Variants in BTD observed in about 807,000 individuals in gnomAD.
BTD encodes biotinidase, also known as biocytinase.
In BTD, 13 loss-of-function variants were observed where a neutral mutation model predicts 17.7. The ratio of observed to expected loss-of-function variants is 0.74; its 90% CI spans 0.48 to 1.17. The LOEUF (loss-of-function observed/expected upper bound fraction) is 1.17, where lower values mean the gene tolerates loss of function less well. Among genes scored for constraint, BTD ranks in the 50% most tolerant of loss-of-function variants. The pLI is 0.00. For missense variants in BTD, 674 were observed against 650.4 expected, an observed-to-expected ratio of 1.04 and a Z score of -0.39; for synonymous variants, 240 against 245.2, an observed-to-expected ratio of 0.98 and a Z score of 0.20.
rs985158642 is a variant in BTD, at chr3:15,635,829, A to G, written c.249+141A>G. ...GTAGTTAACCTGAGTTGAGTTAGTC[A>G]GTTGAATTAGGAGCCTTACCCCTCA... On this transcript the variant is annotated intron_variant, in intron 2 of 3. Coordinates refer to ENST00000643237, the MANE Select transcript of BTD (RefSeq NM_001370658.1). This position sits in a 1 kb window ranked among gnomAD's most constrained non-coding sequence, Gnocchi z 4.1. 6 of 1,217,390 alleles carry G rather than the reference A, an allele frequency of 4.9e-6. No homozygotes were observed. The highest frequency in any genetic ancestry group is 4.5e-5 in the African/African-American group (3 of 66,952). 75.4% of individuals were successfully genotyped at this position (1,217,390 alleles called of 1,614,324 possible).
intron 3 of BTD, among the ~76,000 whole-genome samples, chr3:15,671,323 G>T (rs889763460): frequency 6.6e-6 from 1 of 152,128 alleles, no homozygotes; most frequent in African/African-American, 2.4e-5. Context: ...TCTTGAGGAC[G>T]GAGCGGGAGA....
At chr3:15,640,029 A>G (rs2065455160) in intron 2 of BTD, among the ~76,000 whole-genome samples, 1 of 152,102 alleles carries the variant, frequency 6.6e-6, no homozygotes, top group Non-Finnish European at 1.5e-5. Context: ...ACTTGAACCC[A>G]GGAGGCGGAG....
chr3:15,605,664 A>G (rs1424588159), intron 1 of BTD, among the ~76,000 whole-genome samples: 1 of 152,218 alleles, frequency 6.6e-6, no homozygotes, highest in Non-Finnish European at 1.5e-5. Context: ...TGACAGTTAT[A>G]TATATATATA....
intron 1 of BTD, among the ~76,000 whole-genome samples, chr3:15,631,106 A>G (rs1032001526): frequency 6.6e-6 from 1 of 152,250 alleles, no homozygotes; most frequent in African/African-American, 2.4e-5. Context: ...GAAATTCATG[A>G]GAATAATTTA....
At chr3:15,666,455 G>C (rs2065994198) in intron 3 of BTD, among the ~76,000 whole-genome samples, 1 of 152,178 alleles carries the variant, frequency 6.6e-6, no homozygotes, top group East Asian at 1.9e-4. Flanking sequence ...CTACCACGTA[G>C]AACAGTTGTG....
chr3:15,639,592 A>G (rs1390180275), intron 2 of BTD, among the ~76,000 whole-genome samples: 1 of 152,224 alleles, frequency 6.6e-6, no homozygotes, highest in African/African-American at 2.4e-5. Flanking sequence ...ACGGTGGTAC[A>G]TTCTCCAGCT....
intron 1 of BTD, chr3:15,631,530 G>C (rs1385143032): frequency 1.2e-5 from 18 of 1,469,972 alleles, no homozygotes; most frequent in Non-Finnish European, 1.7e-5. Context: ...AAAATATCTA[G>C]TGATTGACAT....
chr3:15,706,463 C>T lies in BTD; in HGVS notation c.400-3597C>T, dbSNP rs563499272. Reference sequence around the variant, plus strand: ...CATAGTATTCCATGATGTATATGTGCCACATTTTCTTAATCCAGTCTATCA... The same window carrying T: ...CATAGTATTCCATGATGTATATGTGTCACATTTTCTTAATCCAGTCTATCA... On this transcript the variant is annotated intron_variant, in intron 3 of 3. Transcript: ENST00000672141. Among the ~76,000 whole-genome samples the T allele has an allele frequency of 1.3e-3, 191 of 152,268 alleles. 1 individual carries two copies. The highest frequency in any genetic ancestry group is 4.3e-3 in the African/African-American group (180 of 41,534).
At chr3:15,630,877 C>T (rs929520229) in intron 1 of BTD, among the ~76,000 whole-genome samples, 5 of 152,106 alleles carry the variant, frequency 3.3e-5, no homozygotes, top group African/African-American at 1.2e-4. Flanking sequence ...GCTGCCCACG[C>T]GAGAACCATT....
chr3:15,675,458 C>T (rs546670564), intron 3 of BTD, among the ~76,000 whole-genome samples: 1 of 152,140 alleles, frequency 6.6e-6, no homozygotes, highest in South Asian at 2.1e-4. Context: ...AGGAATAATA[C>T]AGGAAGAGAG....
rs149834028 is a variant in BTD, at chr3:15,603,378, C to T, written c.-17+1484C>T. 7.4e-3 allele frequency among the ~76,000 whole-genome samples: 1,125 copies of T among 152,346 alleles called. 12 individuals carry two copies. The highest frequency in any genetic ancestry group is 0.026 in the African/African-American group (1,072 of 41,578). On this transcript the variant is annotated intron_variant, in intron 1 of 3. Coordinates refer to ENST00000643237, the MANE Select transcript of BTD (RefSeq NM_001370658.1). ...TGTAAAATCAAAAGCAAGCTAGTGGCTGGGCGCAGTGGCTCACACCTGTAA... is the reference window on the plus strand; with the variant it reads ...TGTAAAATCAAAAGCAAGCTAGTGGTTGGGCGCAGTGGCTCACACCTGTAA...
chr3:15,619,708 C>A (rs1468416268), intron 1 of BTD, among the ~76,000 whole-genome samples: 2 of 152,172 alleles, frequency 1.3e-5, no homozygotes, highest in Non-Finnish European at 2.9e-5. Context: ...AGTCTGAATT[C>A]TCTAGGGAGA....
At chr3:15,641,780 G>A in intron 2 of BTD, 128 bp from the exon 3 acceptor site, 1 of 732,618 alleles carries the variant, frequency 1.4e-6, no homozygotes, top group South Asian at 1.5e-5. Flanking sequence ...CACCATCTCT[G>A]TGCCTCTGGT....
At chr3:15,675,157 C>T (rs1361311403) in intron 3 of BTD, among the ~76,000 whole-genome samples, 1 of 152,094 alleles carries the variant, frequency 6.6e-6, no homozygotes. Flanking sequence ...GTAATCCCAG[C>T]TACCTGGGCA....
chr3:15,616,343 G>A (rs905229333), intron 1 of BTD, among the ~76,000 whole-genome samples: 4 of 152,206 alleles, frequency 2.6e-5, no homozygotes, highest in South Asian at 2.1e-4. Flanking sequence ...GGCCGGGCGC[G>A]GTGGCTCACA....
intron 3 of BTD, among the ~76,000 whole-genome samples, chr3:15,680,151 T>C (rs2067388376): frequency 6.6e-6 from 1 of 152,148 alleles, no homozygotes; most frequent in Admixed American, 6.6e-5. Context: ...ATTCCGCAAC[T>C]TGCCTTTTAC....
In BTD at chr3:15,663,241, G is replaced by A. The variant is rs541933517; in HGVS notation, c.399+21184G>A. On this transcript the variant is annotated intron_variant, in intron 3 of 3. Transcript: ENST00000672141. The stretch of plus-strand genomic sequence containing the variant: ...ACTCCTCACCTCAGGTGATCCGCCC[G>A]CCTCGGCTTCCCAAAGTGCTGGGAT... 2.2e-3 allele frequency among the ~76,000 whole-genome samples: 340 copies of A among 152,290 alleles called. 2 individuals carry two copies. The highest frequency in any genetic ancestry group is 6.8e-3 in the Middle Eastern group (2 of 294).
chr3:15,687,048 A>G (rs1359103231), intron 3 of BTD, among the ~76,000 whole-genome samples: 2 of 151,654 alleles, frequency 1.3e-5, no homozygotes, highest in Non-Finnish European at 2.9e-5. Flanking sequence ...GGTTCAAGCA[A>G]TTCTCTGCCT....
At chr3:15,628,994 A>G (rs2065137661) in intron 1 of BTD, among the ~76,000 whole-genome samples, 1 of 152,184 alleles carries the variant, frequency 6.6e-6, no homozygotes, top group Non-Finnish European at 1.5e-5. Context: ...TAAGACAAGC[A>G]CTGAGTCCTT....
Sources: gnomAD v4.1 joint callset for allele counts (sites outside exome capture counted in the v4.1 genomes callset) on GRCh38, gnomAD v4.1.1 for gene constraint, Gnocchi (gnomAD v3.1) non-coding constraint, MANE v1.5 for transcripts, NCBI Gene and HGNC (gene_info 2026-07-23, HGNC 2026-07-21) for gene names.